Variants in NALF1 observed in about 807,000 individuals in gnomAD.
NALF1 encodes the protein NALCN channel auxiliary factor 1.
A neutral mutation model predicts 48.4 loss-of-function variants in NALF1; 3 were observed. That is an observed-to-expected ratio of 0.06 (90% CI 0.03 to 0.16). The LOEUF (loss-of-function observed/expected upper bound fraction) is 0.16. Among genes scored for constraint, NALF1 ranks in the 10% least tolerant of loss-of-function variants. The pLI is 1.00. For synonymous variants in NALF1, 262 were observed against 245.7 expected (o/e 1.07, Z -0.62); for missense variants, 526 against 571.5 (o/e 0.92, Z 0.81).
At chr13:107,557,042 T>C (rs1303103641) in intron 1 of NALF1, among the ~76,000 whole-genome samples, 1 of 152,174 alleles carries the variant, frequency 6.6e-6, no homozygotes, top group African/African-American at 2.4e-5. Context: ...TGTACAACAG[T>C]ACATCTTCCC....
At chr13:107,753,032 T>C (rs1417902) in intron 1 of NALF1, among the ~76,000 whole-genome samples, 21,650 of 152,192 alleles carry the variant, frequency 0.14, 1,795 homozygotes, top group Admixed American at 0.24. Flanking sequence ...CATAAATATA[T>C]GCACTGTGTC....
intron 2 of NALF1, among the ~76,000 whole-genome samples, chr13:107,185,466 A>G (rs2769924): frequency 0.17 from 22,999 of 138,190 alleles, 3,085 homozygotes; most frequent in African/African-American, 0.39. Context: ...TCAGAGTGCT[A>G]AGAGATCTAG....
Position 107,565,912 on chromosome 13 carries a change from T to C in NALF1, c.915+299770A>G, listed in dbSNP as rs9559062. 0.032 allele frequency among the ~76,000 whole-genome samples: 4,943 copies of C among 152,262 alleles called. 424 individuals are homozygous for C. In the East Asian group the frequency reaches 0.37, roughly 11 times the overall value. On this transcript the variant is annotated intron_variant, in intron 1 of 2. Coordinates refer to ENST00000375915, the MANE Select transcript of NALF1 (RefSeq NM_001080396.3). ...TCTTGCAGGAAAACATCTCCATCAT[T>C]GAAATTTCTGTTTAAAACAGAAACG...
At chr13:107,435,800 G>A (rs557051210) in intron 1 of NALF1, among the ~76,000 whole-genome samples, 2 of 151,946 alleles carry the variant, frequency 1.3e-5, no homozygotes, top group East Asian at 3.9e-4. Context: ...CGGCGGGGGA[G>A]GGGGGGAAGA....
At chr13:107,723,429 C>A (rs1391480871) in intron 1 of NALF1, among the ~76,000 whole-genome samples, 1 of 151,310 alleles carries the variant, frequency 6.6e-6, no homozygotes, top group Non-Finnish European at 1.5e-5. Context: ...AATTCATACA[C>A]ACACACACAT....
chr13:107,706,934 T>TA (rs1289428514), intron 1 of NALF1, among the ~76,000 whole-genome samples: 28 of 142,638 alleles, frequency 2.0e-4, no homozygotes, highest in Middle Eastern at 3.6e-3. Flanking sequence ...TTTTTTTTTT[T>TA]TTTTTTGAGA....
At chr13:107,200,945 C>G (rs1241093721) in intron 2 of NALF1, among the ~76,000 whole-genome samples, 1 of 152,172 alleles carries the variant, frequency 6.6e-6, no homozygotes, top group Non-Finnish European at 1.5e-5. Flanking sequence ...ACCTTAAGGA[C>G]CCTGGAGCTG....
At chr13:107,356,000 T>C (rs1009998120) in intron 1 of NALF1, among the ~76,000 whole-genome samples, 18 of 152,242 alleles carry the variant, frequency 1.2e-4, no homozygotes, top group African/African-American at 3.4e-4. Context: ...GTTGGCTTCC[T>C]AACTTCTGTC....
At chr13:107,736,194 TACACAC>T (rs891269318) in intron 1 of NALF1, among the ~76,000 whole-genome samples, 23 of 34,426 alleles carry the variant, frequency 6.7e-4, no homozygotes, top group African/African-American at 2.1e-3. Context: ...CACACACACA[TACACAC>T]ACACACACAC....
At chr13:107,718,975 G>A (rs74112585) in intron 1 of NALF1, among the ~76,000 whole-genome samples, 4,416 of 152,212 alleles carry the variant, frequency 0.029, 161 homozygotes, top group East Asian at 0.09. Flanking sequence ...AACCTTTGGT[G>A]GTTTTGCATA....
chr13:107,549,969 A>G (rs1877245951), intron 1 of NALF1, among the ~76,000 whole-genome samples: 1 of 151,742 alleles, frequency 6.6e-6, no homozygotes, highest in African/African-American at 2.4e-5. Context: ...TGACCTTGGC[A>G]TTTTTTAAGA....
At chr13:107,495,592 G>C in intron 1 of NALF1, among the ~76,000 whole-genome samples, 1 of 152,002 alleles carries the variant, frequency 6.6e-6, no homozygotes, top group African/African-American at 2.4e-5. Context: ...ACTAACACAG[G>C]GTGTGATTTG....
intron 1 of NALF1, among the ~76,000 whole-genome samples, chr13:107,666,242 CA>C (rs895362334): frequency 1.4e-4 from 21 of 152,082 alleles, no homozygotes. Flanking sequence ...AGAAAGTCAT[CA>C]GGCAAAATGT....
At chr13:107,599,067 T>G (rs1878840942) in intron 1 of NALF1, among the ~76,000 whole-genome samples, 1 of 152,190 alleles carries the variant, frequency 6.6e-6, no homozygotes. Context: ...TGAACATTTG[T>G]GTTGTTTCCA....
intron 1 of NALF1, among the ~76,000 whole-genome samples, chr13:107,235,520 A>G (rs1030123716): frequency 2.6e-5 from 4 of 152,198 alleles, no homozygotes; most frequent in Non-Finnish European, 4.4e-5. Context: ...ATCCTCCCAT[A>G]TACTTTAAAT....
At chr13:107,305,389 T>A (rs1462186120) in intron 1 of NALF1, among the ~76,000 whole-genome samples, 1 of 152,256 alleles carries the variant, frequency 6.6e-6, no homozygotes, top group East Asian at 1.9e-4. Context: ...TACGCAATAA[T>A]GGGATTTCTA....
chr13:107,550,517 A>T (rs1877262779), intron 1 of NALF1, among the ~76,000 whole-genome samples: 1 of 152,192 alleles, frequency 6.6e-6, no homozygotes, highest in African/African-American at 2.4e-5. Flanking sequence ...AGTCTAAGTC[A>T]CCAGAATGTC....
intron 1 of NALF1, among the ~76,000 whole-genome samples, chr13:107,217,629 C>A (rs550259965): frequency 2.4e-4 from 37 of 152,248 alleles, no homozygotes; most frequent in African/African-American, 8.9e-4. Context: ...AATTCGGCCT[C>A]TTCTTTTCGG....
At chr13:107,486,907 GACTTC>G (rs2139065742) in intron 1 of NALF1, among the ~76,000 whole-genome samples, 1 of 152,178 alleles carries the variant, frequency 6.6e-6, no homozygotes, top group African/African-American at 2.4e-5. Flanking sequence ...TCCATACAAA[GACTTC>G]ACTAAGAGTC....
Sources: allele counts gnomAD v4.1 joint callset (sites outside exome capture counted in the v4.1 genomes callset), GRCh38; gene constraint gnomAD v4.1.1; transcripts MANE v1.5; gene names NCBI Gene and HGNC (gene_info 2026-07-23, HGNC 2026-07-21).